The following ADIPOR2 variants were observed in gnomAD, a reference collection of about 807,000 sequenced individuals.
ADIPOR2 encodes adiponectin receptor protein 2.
In ADIPOR2, 18 loss-of-function variants were observed where a neutral mutation model predicts 40.9. The ratio of observed to expected loss-of-function variants is 0.44; its 90% confidence interval spans 0.30 to 0.65. ADIPOR2 has a LOEUF of 0.65. Among genes scored for constraint, ADIPOR2 ranks in the 30% least tolerant of loss-of-function variants. ADIPOR2 has a pLI of 0.09. For synonymous variants in ADIPOR2, 165 were observed against 166.4 expected, an observed-to-expected ratio of 0.99 and a Z score of 0.06; for missense variants, 283 against 479.2, an observed-to-expected ratio of 0.59 and a Z score of 3.82.
intron 1 of ADIPOR2, among the ~76,000 whole-genome samples, chr12:1,716,667 C>G (rs1042888509): frequency 5.9e-5 from 9 of 152,210 alleles, no homozygotes; most frequent in Non-Finnish European, 1.3e-4. Flanking sequence ...CTAGAAGATG[C>G]ATCTGGTTTT....
chr12:1,768,695 A>C (rs1862434151), intron 2 of ADIPOR2, among the ~76,000 whole-genome samples: 1 of 152,210 alleles, frequency 6.6e-6, no homozygotes, highest in Admixed American at 6.5e-5. Flanking sequence ...GTCTTTCCAA[A>C]GGTAAAGTGT....
intron 1 of ADIPOR2, among the ~76,000 whole-genome samples, chr12:1,711,821 T>C (rs35666763): frequency 6.6e-6 from 1 of 152,110 alleles, no homozygotes; most frequent in East Asian, 1.9e-4. Context: ...TGCCACCTCC[T>C]TGGGTTTTTG....
chr12:1,721,495 C>T lies in ADIPOR2; in HGVS notation c.-87+30304C>T, dbSNP rs774556419. Among the ~76,000 whole-genome samples the T allele has an allele frequency of 4.6e-5, 7 of 152,134 alleles. No homozygotes were observed. In the East Asian group the frequency reaches 7.7e-4, roughly 17 times the overall value. Reference sequence around the variant, plus strand: ...CCTGCCACAGTGCTGGGATTACAGGCGTGAGCCACTGTGCCCAGCCTGCAA... The same window carrying T: ...CCTGCCACAGTGCTGGGATTACAGGTGTGAGCCACTGTGCCCAGCCTGCAA... On this transcript the variant is annotated intron_variant, in intron 1 of 7. Coordinates refer to ENST00000357103, the MANE Select transcript of ADIPOR2 (RefSeq NM_024551.3).
intron 1 of ADIPOR2, among the ~76,000 whole-genome samples, chr12:1,748,373 C>T (rs541737056): frequency 2.0e-5 from 3 of 152,054 alleles, no homozygotes; most frequent in Admixed American, 6.6e-5. Flanking sequence ...CTCAGCCTCC[C>T]GAGTAGCTGG....
chr12:1,710,600 A>G (rs2094674541), intron 1 of ADIPOR2, among the ~76,000 whole-genome samples: 1 of 151,870 alleles, frequency 6.6e-6, no homozygotes, highest in Non-Finnish European at 1.5e-5. Context: ...AGGGCTCTCT[A>G]ACAACCCCCG....
chr12:1,734,201 G>A (rs1253883546), intron 1 of ADIPOR2, among the ~76,000 whole-genome samples: 4 of 152,156 alleles, frequency 2.6e-5, no homozygotes, highest in Admixed American at 2.6e-4. Flanking sequence ...CTTCCACAAT[G>A]GTTGAACTAG....
Position 1,754,388 on chromosome 12 carries a change from A to C in ADIPOR2, c.45A>C (p.Pro15=). 6.2e-7 allele frequency: 1 copy of C among 1,613,138 alleles called. No homozygotes were observed. The highest frequency in any genetic ancestry group is 8.5e-7 in the Non-Finnish European group (1 of 1,179,522). ...ACCGATTGGGGTGCAGCAGGACTCC[A>C]GAGCCAGATATAAGGCTCAGAAAAG... is the stretch of plus-strand genomic sequence containing the variant. ...TENRLGCSRT[P]EPDIRLRKGH... The change falls in exon 2 of 8, where the codon CCA becomes CCC. Residue 15 remains proline, a synonymous_variant. Transcript: ENST00000357103.
chr12:1,697,299 G>A (rs2094641186), intron 1 of ADIPOR2: 1 of 152,172 alleles, frequency 6.6e-6, no homozygotes, highest in African/African-American at 2.4e-5. Context: ...AGTGTTTTGT[G>A]TTTGGAGCCA....
intron 3 of ADIPOR2, among the ~76,000 whole-genome samples, chr12:1,775,968 T>A (rs1423692150): frequency 6.6e-6 from 1 of 152,200 alleles, no homozygotes; most frequent in Non-Finnish European, 1.5e-5. Context: ...CTTTTGGCAT[T>A]ATTTTATTTT....
intron 3 of ADIPOR2, 59 bp from the exon 4 acceptor site, chr12:1,777,795 C>A: frequency 6.6e-7 from 1 of 1,507,022 alleles, no homozygotes; most frequent in South Asian, 1.2e-5. Context: ...TGTTAGGGGT[C>A]AGTGTTGGTA....
intron 3 of ADIPOR2, among the ~76,000 whole-genome samples, chr12:1,774,102 T>C (rs1565656820): frequency 6.6e-6 from 1 of 152,204 alleles, no homozygotes; most frequent in African/African-American, 2.4e-5. Context: ...CACAAAGGGA[T>C]ACAAAAGATT....
intron 1 of ADIPOR2, among the ~76,000 whole-genome samples, chr12:1,740,646 T>C (rs1470007621): frequency 6.6e-6 from 1 of 152,236 alleles, no homozygotes; most frequent in Admixed American, 6.5e-5. Context: ...GAATTTCTGA[T>C]AGAAACTTCA....
rs569963263 is a variant in ADIPOR2 at position 1,709,250 on chromosome 12, T to A, written c.-87+18059T>A. ...TCTGGTCCTTGAAAATGGTGTATCT[T>A]ATTATTTTTTAAGGTTCTTTAGTTT... On this transcript the variant is annotated intron_variant, in intron 1 of 7. Coordinates refer to ENST00000357103, the MANE Select transcript of ADIPOR2 (RefSeq NM_024551.3). Among the ~76,000 whole-genome samples the A allele has an allele frequency of 3.9e-5, 6 of 152,044 alleles. No homozygotes were observed. In the South Asian group the frequency reaches 1.2e-3, roughly 31 times the overall value.
intron 1 of ADIPOR2, chr12:1,730,944 G>A (rs2094718902): frequency 6.6e-6 from 1 of 152,170 alleles, no homozygotes; most frequent in African/African-American, 2.4e-5. Context: ...CTGGGCTGTT[G>A]TGACAACAAG....
At chr12:1,718,751 G>T (rs983386816) in intron 1 of ADIPOR2, among the ~76,000 whole-genome samples, 1 of 152,116 alleles carries the variant, frequency 6.6e-6, no homozygotes, top group Non-Finnish European at 1.5e-5. Flanking sequence ...AGTGTGGCAG[G>T]CTTTCACTGT....
At chr12:1,776,576 G>A (rs1039927977) in intron 3 of ADIPOR2, among the ~76,000 whole-genome samples, 1 of 152,158 alleles carries the variant, frequency 6.6e-6, no homozygotes, top group East Asian at 1.9e-4. Context: ...GTGAGCTCTC[G>A]GGGCTATGAG....
intron 1 of ADIPOR2, among the ~76,000 whole-genome samples, chr12:1,701,290 G>T (rs370655090): frequency 8.8e-4 from 134 of 152,136 alleles, no homozygotes; most frequent in African/African-American, 3.1e-3. Flanking sequence ...ACTGTGCCCA[G>T]CTAATATTTG....
At chr12:1,706,247 G>A (rs980320405) in intron 1 of ADIPOR2, among the ~76,000 whole-genome samples, 27 of 152,142 alleles carry the variant, frequency 1.8e-4, no homozygotes, top group African/African-American at 6.5e-4. Context: ...TGTTACCTAT[G>A]TAACAGCAGA....
chr12:1,761,815 T>C (rs1348755575), intron 2 of ADIPOR2, among the ~76,000 whole-genome samples: 1 of 152,226 alleles, frequency 6.6e-6, no homozygotes, highest in Non-Finnish European at 1.5e-5. Flanking sequence ...GACTTCTGTT[T>C]TGTTTCTTGT....
Sources: gnomAD v4.1 joint callset for allele counts (sites outside exome capture counted in the v4.1 genomes callset) on GRCh38, gnomAD v4.1.1 for gene constraint, MANE v1.5 for transcripts, NCBI Gene and HGNC (gene_info 2026-07-23, HGNC 2026-07-21) for gene names.